ATPAF1: variants seen among roughly 807,000 people sequenced by gnomAD.
ATPAF1 encodes homolog of yeast ATP11.
Under a neutral mutation model 43.9 loss-of-function variants are expected in ATPAF1, and 26 were observed. The ratio of observed to expected loss-of-function variants is 0.59; its 90% CI spans 0.43 to 0.82. The LOEUF is 0.82. ATPAF1 is among the 40% of genes least tolerant of loss of function. The pLI is 0.00. For synonymous variants in ATPAF1, 157 were observed against 168.0 expected (o/e 0.93, Z 0.50); for missense variants, 366 against 435.0 (o/e 0.84, Z 1.41).
Position 46,652,663 on chromosome 1 carries a change from A to G in ATPAF1, c.541-35T>C, listed in dbSNP as rs772328893. On this transcript the variant is annotated intron_variant, in intron 5 of 8. Coordinates refer to ENST00000574428, the Ensembl canonical transcript of ATPAF1. ...GGAAAAGAATAAAGTTAACCTACACATAGTAAAACACAAAAGGCCACTATC... is the reference window on the plus strand; with the variant it reads ...GGAAAAGAATAAAGTTAACCTACACGTAGTAAAACACAAAAGGCCACTATC... The G allele has an allele frequency of 1.3e-5, 20 of 1,580,314 alleles. No homozygotes were observed. The South Asian group carries it at 2.0e-4, about 16-fold the overall frequency.
chr1:46,644,142 G>T (rs1454653435), intron 7 of ATPAF1, among the ~76,000 whole-genome samples: 1 of 152,012 alleles, frequency 6.6e-6, no homozygotes, highest in South Asian at 2.1e-4. Context: ...TTATGTTTCT[G>T]GATCTTTCTC....
chr1:46,643,784 A>G (rs956829427), intron 7 of ATPAF1, among the ~76,000 whole-genome samples: 2 of 152,206 alleles, frequency 1.3e-5, no homozygotes, highest in Non-Finnish European at 2.9e-5. Context: ...CAGCTCTAAA[A>G]TATAATCTGG....
Position 46,665,775 on chromosome 1 carries a change from A to G in ATPAF1, c.267-411T>C, listed in dbSNP as rs1000007667. On this transcript the variant is annotated intron_variant, in intron 1 of 8. Coordinates refer to ENST00000574428, the Ensembl canonical transcript of ATPAF1. ...CAGTTCTTGAAAATATGTCCCCCCA[A>G]CCAGGTTAAACATCTGCTTTATTCA... The G allele has an allele frequency of 5.3e-5, 80 of 1,498,862 alleles. No individual in the cohort carries two copies. In the Middle Eastern group the frequency reaches 8.4e-4, roughly 16 times the overall value. The allele number at this position is 1,498,862 out of a possible 1,614,324, so 92.8% of individuals were successfully genotyped here.
At chr1:46,665,461 C>A in intron 1 of ATPAF1, 97 bp from the exon 2 acceptor site, 1 of 1,359,092 alleles carries the variant, frequency 7.4e-7, no homozygotes, top group Non-Finnish European at 1.0e-6. Flanking sequence ...AAGGACACTG[C>A]CATTCAGAGA....
At chr1:46,663,117 AT>A (rs1178506250) in intron 2 of ATPAF1, among the ~76,000 whole-genome samples, 1 of 152,106 alleles carries the variant, frequency 6.6e-6, no homozygotes, top group Non-Finnish European at 1.5e-5. Flanking sequence ...TGAACTCATC[AT>A]TTTTTATGGC....
At chr1:46,647,468 G>T (rs1262592146) in intron 6 of ATPAF1, among the ~76,000 whole-genome samples, 1 of 151,346 alleles carries the variant, frequency 6.6e-6, no homozygotes, top group East Asian at 1.9e-4. Flanking sequence ...TCCTTTTACT[G>T]CTGAATATTA....
chr1:46,643,193 C>T lies in ATPAF1; in HGVS notation c.792+1G>A, dbSNP rs1242194800. 1 of 1,606,914 alleles carries T rather than the reference C, an allele frequency of 6.2e-7. No individual in the cohort carries two copies. Among genetic ancestry groups the T allele is most frequent in the Non-Finnish European group, 8.5e-7 (1 of 1,173,844 alleles). ...AAAGAGTTTTGCAAGTTAATTCTTA[C>T]CAGAAATGTGGAATCCATTTCTGCA... On this transcript the variant is annotated splice_donor_variant, in intron 8 of 8. Transcript: ENST00000574428. LOFTEE classifies it high-confidence loss of function.
intron 8 of ATPAF1, among the ~76,000 whole-genome samples, chr1:46,639,235 T>TAC (rs57111258): frequency 0.25 from 38,303 of 150,656 alleles, 5,181 homozygotes; most frequent in East Asian, 0.38. Flanking sequence ...TATACACACA[T>TAC]ACACACACAC....
intron 6 of ATPAF1, among the ~76,000 whole-genome samples, chr1:46,647,873 AT>A (rs1676073038): frequency 6.6e-6 from 1 of 152,194 alleles, no homozygotes; most frequent in Non-Finnish European, 1.5e-5. Context: ...CACTGTAGTA[AT>A]TTGGATTCCC....
In ATPAF1 at chr1:46,638,546, C is replaced by T. The variant is rs538063414; in HGVS notation, c.793-2576G>A. On this transcript the variant is annotated intron_variant, in intron 8 of 8. Transcript: ENST00000574428. The stretch of plus-strand genomic sequence containing the variant: ...CTGAGGCAGGAGAATGGCGTGAACC[C>T]GGGAGGCAGAGCTTGCAGTGAGCCG... Among the ~76,000 whole-genome samples, 337 of 151,454 alleles carry T rather than the reference C, an allele frequency of 2.2e-3. 3 individuals carry two copies. The highest frequency in any genetic ancestry group is 7.8e-3 in the African/African-American group (320 of 41,198).
Position 46,653,830 on chromosome 1 carries a change from T to A in ATPAF1, c.527A>T (p.Tyr176Phe). Residue 176 changes from tyrosine to phenylalanine, a missense_variant, in exon 5 of 9, where the codon TAC (tyrosine) becomes TTC (phenylalanine). This residue lies in a region of ATPAF1 where 180 missense variants were observed against 266.5 expected (regional missense o/e 0.68). Transcript: ENST00000574428. This position sits in a 1 kb window ranked among gnomAD's most constrained non-coding sequence, Gnocchi z 4.8. Reference sequence around the variant, plus strand: ...CAAACTACTTACAGGAATAACTGCGTAGACTGTATCTTTTGCTGCAAAATA... The same window carrying A: ...CAAACTACTTACAGGAATAACTGCGAAGACTGTATCTTTTGCTGCAAAATA... 1 of 1,611,138 alleles carries A rather than the reference T, an allele frequency of 6.2e-7. No individual in the cohort carries two copies. Among genetic ancestry groups the A allele is most frequent in the East Asian group, 2.2e-5 (1 of 44,798 alleles).
intron 8 of ATPAF1, among the ~76,000 whole-genome samples, chr1:46,640,679 CT>C (rs1267148910): frequency 1.3e-5 from 2 of 152,150 alleles, no homozygotes; most frequent in African/African-American, 4.8e-5. Context: ...GTTTTTCCCC[CT>C]AATCATTTAA....
chr1:46,634,873 G>A (rs1430017888), downstream of ATPAF1: 1 of 152,470 alleles, frequency 6.6e-6, no homozygotes. Context: ...ACAATGGACA[G>A]TACATAACTC....
chr1:46,634,990 T>C (rs1271459707), downstream of ATPAF1: 1 of 152,650 alleles, frequency 6.6e-6, no homozygotes, highest in Non-Finnish European at 1.5e-5. Context: ...TCATCCACTT[T>C]TTCGTATCAT....
intron 8 of ATPAF1, among the ~76,000 whole-genome samples, chr1:46,640,278 G>T (rs1258059): frequency 1.3e-5 from 2 of 152,014 alleles, no homozygotes; most frequent in African/African-American, 4.8e-5. Flanking sequence ...TTTAATAATA[G>T]TTTTTGTTAT....
intron 3 of ATPAF1, 78 bp downstream of exon 3, chr1:46,658,609 G>A (rs917100581): frequency 8.9e-7 from 1 of 1,128,420 alleles, no homozygotes; most frequent in African/African-American, 1.6e-5. Context: ...CAGTACTTAT[G>A]TTCAAATTTG....
At chr1:46,642,897 A>AG (rs1675974894) in intron 8 of ATPAF1, among the ~76,000 whole-genome samples, 1 of 152,230 alleles carries the variant, frequency 6.6e-6, no homozygotes, top group Non-Finnish European at 1.5e-5. Context: ...ACATCAGTTT[A>AG]AAGATTTAGT....
At chr1:46,668,392 C>A (rs1676533483), upstream of ATPAF1, 1 of 1,201,036 alleles carries the variant, frequency 8.3e-7, no homozygotes, top group African/African-American at 1.6e-5. The surrounding 1 kb of genome is among the most constrained non-coding windows in gnomAD (Gnocchi z 4.4). Context: ...CCCGCTCCAT[C>A]CCGCTCCGAG....
chr1:46,665,466 C>T, intron 1 of ATPAF1, 102 bp from the exon 2 acceptor site: 1 of 1,346,930 alleles, frequency 7.4e-7, no homozygotes, highest in Non-Finnish European at 1.0e-6. Context: ...CACTGCCATT[C>T]AGAGAGGTTG....
Sources: allele counts gnomAD v4.1 joint callset (sites outside exome capture counted in the v4.1 genomes callset), GRCh38; gene constraint gnomAD v4.1.1; regional missense constraint gnomAD v4.1.1; non-coding constraint Gnocchi (gnomAD v3.1); transcripts MANE v1.5; gene names NCBI Gene and HGNC (gene_info 2026-07-23, HGNC 2026-07-21).